Variants in SIRT6 observed in about 807,000 individuals in gnomAD.
The protein encoded by SIRT6 is sirtuin 6.
Under a neutral mutation model 33.6 loss-of-function variants are expected in SIRT6, and 21 were observed. The observed-to-expected ratio is 0.62, with a 90% CI of 0.44 to 0.90. SIRT6 has a LOEUF of 0.90. Ranked by LOEUF, SIRT6 falls within the 40% of genes least tolerant of loss-of-function variation. The pLI is 0.00. For synonymous variants in SIRT6, 221 were observed against 223.9 expected (o/e 0.99, Z 0.12); for missense variants, 504 against 510.6 (o/e 0.99, Z 0.12).
chr19:4,174,556 C>G lies in SIRT6; in HGVS notation c.*61G>C. The G allele has an allele frequency of 7.4e-7, 1 of 1,356,870 alleles. No individual in the cohort carries two copies. Among genetic ancestry groups the G allele is most frequent in the South Asian group, 1.7e-5 (1 of 59,372 alleles). The allele number at this position is 1,356,870 out of a possible 1,614,324, so 84.1% of individuals were successfully genotyped here. On this transcript the variant is annotated 3_prime_UTR_variant, in exon 8 of 8. Transcript: ENST00000337491. The surrounding 1 kb of genome is among the most constrained non-coding windows in gnomAD (Gnocchi z 4.2). ...GACAGAAACAAGTAACAAAGTGAGA[C>G]CACGAGAGAAAAAGAATCCACAGTT...
Position 4,179,181 on chromosome 19 carries a change from C to G in SIRT6, c.300G>C (p.Gln100His). ...AGCGGAGGAGGCCCACGCGCTCCAG[C>G]TGCACCAGCGCCATGTGGGTCTGCG... ...RPTQTHMALV[Q>H]LERVGLLRFL... Residue 100 changes from glutamine to histidine, a missense_variant, in exon 3 of 8, where the codon CAG (glutamine) becomes CAC (histidine). Transcript: ENST00000337491. 1 of 1,612,276 alleles carries G rather than the reference C, an allele frequency of 6.2e-7. No homozygotes were observed.
In SIRT6 at chr19:4,175,861, T is replaced by C. The variant is rs1306521428; in HGVS notation, c.514A>G (p.Arg172Gly). Residue 172 changes from arginine to glycine, a missense_variant, in exon 5 of 8, where the codon AGG (arginine) becomes GGG (glycine). Coordinates refer to ENST00000337491, the MANE Select transcript of SIRT6 (RefSeq NM_016539.4). Reference protein sequence around the residue: ...TGRLCTVAKARGLRACRGELR... With the variant: ...TGRLCTVAKAGGLRACRGELR... ...GCTCACCTGCAGGCTCGCAGCCCCCTTGCCTTAGCCACGGTGCAGAGCCGG... is the reference window on the plus strand; with the variant it reads ...GCTCACCTGCAGGCTCGCAGCCCCCCTGCCTTAGCCACGGTGCAGAGCCGG... 1 of 1,563,032 alleles carries C rather than the reference T, an allele frequency of 6.4e-7. No individual in the cohort carries two copies. The highest frequency in any genetic ancestry group is 8.7e-7 in the Non-Finnish European group (1 of 1,153,948).
chr19:4,180,761 T>C lies in SIRT6; in HGVS notation c.194+21A>G, dbSNP rs375546636. On this transcript the variant is annotated intron_variant, in intron 2 of 7. Coordinates refer to ENST00000337491, the MANE Select transcript of SIRT6 (RefSeq NM_016539.4). ...GCAGCCTGGTAGGCCTTGCCTCGAC[T>C]TCCCCTGCACAATCACAGACCTGAA... 1.5e-5 allele frequency: 24 copies of C among 1,589,774 alleles called. No homozygotes were observed. In the African/African-American group the frequency reaches 2.8e-4, roughly 19 times the overall value.
At chr19:4,181,483 T>C (rs1289631989) in intron 1 of SIRT6, among the ~76,000 whole-genome samples, 1 of 152,180 alleles carries the variant, frequency 6.6e-6, no homozygotes, top group Non-Finnish European at 1.5e-5. Context: ...CTATAAATGT[T>C]GGTGGAATAA....
chr19:4,176,994 A>C (rs1599361349), intron 4 of SIRT6, 85 bp downstream of exon 4: 4 of 1,086,768 alleles, frequency 3.7e-6, no homozygotes, highest in Admixed American at 2.4e-5. Flanking sequence ...CAGTCCCCCC[A>C]TACCCTCTGG....
Position 4,175,958 on chromosome 19 carries a change from G to A in SIRT6, c.438-21C>T, listed in dbSNP as rs202169874. 2.6e-6 allele frequency: 4 copies of A among 1,553,758 alleles called. No homozygotes were observed. In the African/African-American group the frequency reaches 4.1e-5, roughly 16 times the overall value. On this transcript the variant is annotated intron_variant, in intron 4 of 7. Coordinates refer to ENST00000337491, the MANE Select transcript of SIRT6 (RefSeq NM_016539.4). ...ACTGCCTGTGTCAGGGAGGAAGGGG[G>A]AGGATGGGACCAGGTGAGCTCCCAT...
chr19:4,181,277 C>T (rs1967645432), intron 1 of SIRT6, among the ~76,000 whole-genome samples: 1 of 152,214 alleles, frequency 6.6e-6, no homozygotes, highest in Admixed American at 6.5e-5. Context: ...CCCCCAGATA[C>T]CCACATGGCT....
At chr19:4,177,020 G>A in intron 4 of SIRT6, 59 bp downstream of exon 4, 1 of 1,499,244 alleles carries the variant, frequency 6.7e-7, no homozygotes, top group Non-Finnish European at 9.2e-7. Flanking sequence ...TGGGACATCG[G>A]ATTCGACCCC....
At chr19:4,180,669 A>C in intron 2 of SIRT6, 113 bp downstream of exon 2, 2 of 1,395,612 alleles carry the variant, frequency 1.4e-6, no homozygotes, top group Non-Finnish European at 2.0e-6. Flanking sequence ...CCCAGGACAC[A>C]TCCAGGAGGA....
At position 4,174,994 on chromosome 19, in the gene SIRT6, G is replaced by A. The variant is rs780645725; in HGVS notation, c.738+34C>T. The A allele has an allele frequency of 1.4e-5, 22 of 1,606,408 alleles. No individual in the cohort carries two copies. The South Asian group carries it at 2.3e-4, about 17-fold the overall frequency. On this transcript the variant is annotated intron_variant, in intron 7 of 7. Transcript: ENST00000337491. This position sits in a 1 kb window ranked among gnomAD's most constrained non-coding sequence, Gnocchi z 4.2. The stretch of plus-strand genomic sequence containing the variant: ...AGGCGTGGGGGACAGAGGGTGCATG[G>A]TGGCCCTGGGCAGGGGTAGGCTCAG...
rs1395202293 is a variant in SIRT6, at chr19:4,175,640, C to T, written c.614+40G>A. ...GGCTGTGTTTCTGCTGTCGTCCCGC[C>T]CCGCCCCACCATGGGCTCCCTGGGG... is the stretch of plus-strand genomic sequence containing the variant. On this transcript the variant is annotated intron_variant, in intron 6 of 7. Coordinates refer to ENST00000337491, the MANE Select transcript of SIRT6 (RefSeq NM_016539.4). The T allele has an allele frequency of 5.5e-6, 8 of 1,458,282 alleles. No homozygotes were observed. In the South Asian group the frequency reaches 1.1e-4, roughly 21 times the overall value. The allele number at this position is 1,458,282 out of a possible 1,614,324, so 90.3% of individuals were successfully genotyped here.
At position 4,182,148 on chromosome 19, in the gene SIRT6, C is replaced by G. The variant is rs1438026153; in HGVS notation, c.66+326G>C. 7 of 315,666 alleles carry G rather than the reference C, an allele frequency of 2.2e-5. No individual in the cohort carries two copies. In the South Asian group the frequency reaches 2.8e-4, roughly 12 times the overall value. 19.6% of individuals were successfully genotyped at this position (315,666 alleles called of 1,614,324 possible). On this transcript the variant is annotated intron_variant, in intron 1 of 7. Coordinates refer to ENST00000337491, the MANE Select transcript of SIRT6 (RefSeq NM_016539.4). ...ACTCCCCAGCCTGGCATTTGAGCCC[C>G]GTCCTGGCCCGGCTCTGGAAACCTC...
chr19:4,182,446 G>A, intron 1 of SIRT6, 28 bp downstream of exon 1: 4 of 1,598,610 alleles, frequency 2.5e-6, no homozygotes, highest in Non-Finnish European at 3.4e-6. Context: ...CCTGGGGCGC[G>A]ATGCTCGGGA....
chr19:4,181,011 G>A (rs572578604), intron 1 of SIRT6, 102 bp from the exon 2 acceptor site: 48 of 1,445,914 alleles, frequency 3.3e-5, no homozygotes, highest in Non-Finnish European at 4.4e-5. Flanking sequence ...GCCTGAGGGA[G>A]GAAAATGGAT....
chr19:4,179,231 T>C lies in SIRT6; in HGVS notation c.250A>G (p.Thr84Ala). 6.2e-7 allele frequency: 1 copy of C among 1,610,354 alleles called. No homozygotes were observed. The highest frequency in any genetic ancestry group is 8.5e-7 in the Non-Finnish European group (1 of 1,178,882). Reference sequence around the variant, plus strand: ...GTGGGCCGCGCGCTCTCAAAGGTGGTGTCGAACTTGGGGGCCAGACCTCGC... The same window carrying C: ...GTGGGCCGCGCGCTCTCAAAGGTGGCGTCGAACTTGGGGGCCAGACCTCGC... Reference protein sequence around the residue: ...EERGLAPKFDTTFESARPTQT... With the variant: ...EERGLAPKFDATFESARPTQT... Residue 84 changes from threonine to alanine, a missense_variant, in exon 3 of 8, where the codon ACC becomes GCC. Coordinates refer to ENST00000337491, the MANE Select transcript of SIRT6 (RefSeq NM_016539.4).
chr19:4,179,487 A>G lies in SIRT6; in HGVS notation c.195-201T>C, dbSNP rs150065876. 2,011 of 597,108 alleles carry G rather than the reference A, an allele frequency of 3.4e-3. 46 individuals are homozygous for G. In the East Asian group the frequency reaches 0.043, roughly 13 times the overall value. The allele number at this position is 597,108 out of a possible 1,614,324, so 37.0% of individuals were successfully genotyped here. ...CAGGGAGAGGGGGATAGAACAAGACACAGACAGAGAGATAAAGAGTTAAAG... is the reference window on the plus strand; with the variant it reads ...CAGGGAGAGGGGGATAGAACAAGACGCAGACAGAGAGATAAAGAGTTAAAG... On this transcript the variant is annotated intron_variant, in intron 2 of 7. Coordinates refer to ENST00000337491, the MANE Select transcript of SIRT6 (RefSeq NM_016539.4).
At chr19:4,182,278 G>C (rs1334450346) in intron 1 of SIRT6, 196 bp downstream of exon 1, 1 of 565,156 alleles carries the variant, frequency 1.8e-6, no homozygotes, top group East Asian at 3.3e-5. Flanking sequence ...AGCCCCGACA[G>C]GGTGACCACA....
chr19:4,178,704 C>T (rs1245061873), intron 3 of SIRT6, among the ~76,000 whole-genome samples: 1 of 152,102 alleles, frequency 6.6e-6, no homozygotes, highest in Non-Finnish European at 1.5e-5. Context: ...ACAAAATTAG[C>T]TGGGTGTGAT....
intron 3 of SIRT6, 68 bp from the exon 4 acceptor site, chr19:4,177,206 G>C: frequency 6.6e-7 from 1 of 1,511,436 alleles, no homozygotes; most frequent in South Asian, 1.1e-5. Flanking sequence ...TTTGGAGCTG[G>C]TGCTAAGCCC....
Sources: gnomAD v4.1 joint callset for allele counts (sites outside exome capture counted in the v4.1 genomes callset) on GRCh38, gnomAD v4.1.1 for gene constraint, Gnocchi (gnomAD v3.1) non-coding constraint, MANE v1.5 for transcripts, NCBI Gene and HGNC (gene_info 2026-07-23, HGNC 2026-07-21) for gene names.